The following ASCC3 variants were observed in gnomAD, a reference collection of about 807,000 sequenced individuals.
ASCC3 encodes activating signal cointegrator 1 complex subunit 3.
ASCC3 carries 158 observed loss-of-function variants against 256.3 expected under a neutral mutation model. That is an observed-to-expected ratio of 0.62 (90% CI 0.54 to 0.70). The LOEUF (loss-of-function observed/expected upper bound fraction) is 0.70, where lower values mean the gene tolerates loss of function less well. Ranked by LOEUF, ASCC3 falls within the 30% of genes least tolerant of loss-of-function variation. The pLI is 0.00. For missense variants in ASCC3, 2,259 were observed against 2,626.0 expected, an observed-to-expected ratio of 0.86 and a Z score of 3.05; for synonymous variants, 948 against 883.4, an observed-to-expected ratio of 1.07 and a Z score of -1.30.
intron 36 of ASCC3, among the ~76,000 whole-genome samples, chr6:100,541,512 T>G (rs753882030): frequency 5.4e-4 from 82 of 152,170 alleles, no homozygotes; most frequent in South Asian, 1.4e-3. Flanking sequence ...AAGACAACCT[T>G]GCCTAAGTAG....
intron 4 of ASCC3, among the ~76,000 whole-genome samples, chr6:100,829,362 C>G (rs1771502198): frequency 6.6e-6 from 1 of 152,052 alleles, no homozygotes; most frequent in African/African-American, 2.4e-5. Context: ...GCTGCAGGTC[C>G]TGAGCCCTGC....
At chr6:100,588,262 G>C (rs1771809875) in intron 36 of ASCC3, among the ~76,000 whole-genome samples, 1 of 152,134 alleles carries the variant, frequency 6.6e-6, no homozygotes, top group South Asian at 2.1e-4. Flanking sequence ...AAAGGTGTTA[G>C]CTGTTATCAT....
intron 8 of ASCC3, among the ~76,000 whole-genome samples, chr6:100,795,041 G>A (rs1416278019): frequency 2.0e-5 from 3 of 151,570 alleles, no homozygotes; most frequent in Non-Finnish European, 4.4e-5. Flanking sequence ...AGCTGATAAT[G>A]AGGATATACA....
At chr6:100,644,161 A>C in intron 22 of ASCC3, 32 bp from the exon 23 acceptor site, 1 of 1,407,094 alleles carries the variant, frequency 7.1e-7, no homozygotes, top group Non-Finnish European at 1.0e-6. Context: ...GCTACTATGC[A>C]TATCATAACT....
At chr6:100,615,632 A>G (rs1773632476) in intron 30 of ASCC3, among the ~76,000 whole-genome samples, 1 of 152,236 alleles carries the variant, frequency 6.6e-6, no homozygotes, top group South Asian at 2.1e-4. Context: ...TTAGTTTAGT[A>G]AAAGTAAACT....
intron 3 of ASCC3, chr6:100,858,888 G>C: frequency 2.0e-6 from 1 of 509,384 alleles, no homozygotes; most frequent in African/African-American, 1.9e-5. Context: ...AGTCAATCAA[G>C]GATCATACAT....
At chr6:100,616,308 T>C (rs762731887) in intron 30 of ASCC3, among the ~76,000 whole-genome samples, 4 of 152,240 alleles carry the variant, frequency 2.6e-5, no homozygotes, top group Admixed American at 2.6e-4. Context: ...TAAACTGCTC[T>C]AGCATCTAAA....
At chr6:100,645,199 A>G (rs981061756) in intron 22 of ASCC3, among the ~76,000 whole-genome samples, 22 of 152,142 alleles carry the variant, frequency 1.4e-4, no homozygotes, top group Non-Finnish European at 2.6e-4. Context: ...AAGAAATACA[A>G]AACTTCCACT....
chr6:100,699,588 C>T (rs1418300700), intron 13 of ASCC3, among the ~76,000 whole-genome samples: 1 of 152,102 alleles, frequency 6.6e-6, no homozygotes, highest in African/African-American at 2.4e-5. Context: ...GACTTTGGAA[C>T]TGGGTAGCAG....
At chr6:100,870,811 T>C (rs943266471) in intron 1 of ASCC3, among the ~76,000 whole-genome samples, 1 of 152,182 alleles carries the variant, frequency 6.6e-6, no homozygotes, top group Non-Finnish European at 1.5e-5. Flanking sequence ...GATAACATAC[T>C]TCCTGGAGCA....
At chr6:100,569,137 AC>A (rs1169034151) in intron 36 of ASCC3, among the ~76,000 whole-genome samples, 1 of 152,058 alleles carries the variant, frequency 6.6e-6, no homozygotes, top group Non-Finnish European at 1.5e-5. Flanking sequence ...TCTTTAATAC[AC>A]CTTGAGCTAA....
intron 4 of ASCC3, among the ~76,000 whole-genome samples, chr6:100,841,004 CTG>C (rs1772118825): frequency 6.6e-6 from 1 of 151,738 alleles, no homozygotes; most frequent in Non-Finnish European, 1.5e-5. Flanking sequence ...TAGCCATAAA[CTG>C]AGAAAACTAG....
chr6:100,796,292 T>TA (rs1769609447), intron 8 of ASCC3, among the ~76,000 whole-genome samples: 2 of 152,204 alleles, frequency 1.3e-5, no homozygotes, highest in African/African-American at 4.8e-5. Context: ...GGTAGTGTCT[T>TA]AAACACCTAA....
intron 8 of ASCC3, among the ~76,000 whole-genome samples, chr6:100,768,983 T>G (rs540582171): frequency 1.3e-5 from 2 of 152,240 alleles, no homozygotes; most frequent in East Asian, 3.9e-4. Context: ...TTTCTACCAC[T>G]GATGAAAGAA....
intron 3 of ASCC3, among the ~76,000 whole-genome samples, chr6:100,855,894 T>C (rs558049593): frequency 6.6e-6 from 1 of 152,320 alleles, no homozygotes; most frequent in South Asian, 2.1e-4. Flanking sequence ...AGAGGTTTAG[T>C]GATATTAATT....
At chr6:100,806,339 T>C (rs1770180748) in intron 4 of ASCC3, among the ~76,000 whole-genome samples, 1 of 152,016 alleles carries the variant, frequency 6.6e-6, no homozygotes, top group African/African-American at 2.4e-5. Context: ...ATTTTTTACA[T>C]GTATTTTAAA....
rs1386957069 is a variant in ASCC3 at position 100,684,016 on chromosome 6, G to A, written c.2152-4264C>T. ...CCTGTTATTTGACTTGTCAAAGAAA[G>A]TGTTCTTCACATTGAGATGCTGATT... is the stretch of plus-strand genomic sequence containing the variant. On this transcript the variant is annotated intron_variant, in intron 13 of 41. Transcript: ENST00000369162. Among the ~76,000 whole-genome samples the A allele has an allele frequency of 3.3e-5, 5 of 152,070 alleles. No homozygotes were observed. The East Asian group carries it at 9.6e-4, about 29-fold the overall frequency.
intron 1 of ASCC3, among the ~76,000 whole-genome samples, chr6:100,871,118 C>T (rs182160566): frequency 2.2e-4 from 33 of 151,204 alleles, no homozygotes; most frequent in South Asian, 1.0e-3. Context: ...TCTTTTGAGA[C>T]GGAGTCTCAC....
At chr6:100,554,334 AAGACACGACC>A (rs2114690788) in intron 36 of ASCC3, among the ~76,000 whole-genome samples, 1 of 152,264 alleles carries the variant, frequency 6.6e-6, no homozygotes, top group African/African-American at 2.4e-5. Flanking sequence ...GAATAGAGGA[AAGACACGACC>A]AGAATGGATT....
Sources: gnomAD v4.1 joint callset for allele counts (sites outside exome capture counted in the v4.1 genomes callset) on GRCh38, gnomAD v4.1.1 for gene constraint, MANE v1.5 for transcripts, NCBI Gene and HGNC (gene_info 2026-07-23, HGNC 2026-07-21) for gene names.